Variants in HCN1 observed in about 807,000 individuals in gnomAD.
HCN1 encodes hyperpolarization activated cyclic nucleotide gated potassium channel 1, also known as potassium/sodium hyperpolarization-activated cyclic nucleotide-gated channel 1.
A neutral mutation model predicts 78.9 loss-of-function variants in HCN1; 13 were observed. That is an observed-to-expected ratio of 0.16 (90% CI 0.11 to 0.26). HCN1 has a LOEUF of 0.26. Among genes scored for constraint, HCN1 ranks in the 10% least tolerant of loss-of-function variants. The pLI, the probability that HCN1 is intolerant of heterozygous loss-of-function variation, is 1.00. For missense variants in HCN1, 810 were observed against 1,154.3 expected, an observed-to-expected ratio of 0.70 and a Z score of 4.32; for synonymous variants, 552 against 455.5, an observed-to-expected ratio of 1.21 and a Z score of -2.70.
chr5:45,452,712 T>C (rs1188305985), intron 3 of HCN1, among the ~76,000 whole-genome samples: 1 of 151,960 alleles, frequency 6.6e-6, no homozygotes, highest in Non-Finnish European at 1.5e-5. Flanking sequence ...ATAAATTGCT[T>C]ACAGTGGTTG....
chr5:45,657,845 C>T (rs1045260225), intron 1 of HCN1, among the ~76,000 whole-genome samples: 1 of 152,192 alleles, frequency 6.6e-6, no homozygotes, highest in Non-Finnish European at 1.5e-5. Context: ...AATGCCATCC[C>T]CATCAAGCTA....
At chr5:45,323,555 CT>C (rs980118640) in intron 5 of HCN1, among the ~76,000 whole-genome samples, 4 of 151,314 alleles carry the variant, frequency 2.6e-5, no homozygotes, top group African/African-American at 4.8e-5. Flanking sequence ...TAAAATTTTT[CT>C]TTTTTTTCAT....
intron 2 of HCN1, among the ~76,000 whole-genome samples, chr5:45,474,769 T>C (rs1261487107): frequency 6.6e-6 from 1 of 151,952 alleles, no homozygotes; most frequent in African/African-American, 2.4e-5. Flanking sequence ...ACAATCATTA[T>C]CATCAGTAAA....
chr5:45,381,196 A>G (rs1314610368), intron 4 of HCN1, among the ~76,000 whole-genome samples: 2 of 152,148 alleles, frequency 1.3e-5, no homozygotes, highest in Admixed American at 6.6e-5. Context: ...AAAATAAGAT[A>G]CTTTTGAAAA....
At chr5:45,489,063 A>G (rs1411336050) in intron 2 of HCN1, among the ~76,000 whole-genome samples, 1 of 152,178 alleles carries the variant, frequency 6.6e-6, no homozygotes, top group Non-Finnish European at 1.5e-5. Context: ...GTAAGGCCTC[A>G]AGAAATTCCT....
At chr5:45,576,227 A>G (rs1743942113) in intron 2 of HCN1, 1 of 152,158 alleles carries the variant, frequency 6.6e-6, no homozygotes, top group South Asian at 2.1e-4. Context: ...ATGAATGAGA[A>G]GTTGCTTATA....
chr5:45,424,218 G>A (rs950133816), intron 3 of HCN1, among the ~76,000 whole-genome samples: 5 of 151,780 alleles, frequency 3.3e-5, no homozygotes, highest in Admixed American at 6.6e-5. Flanking sequence ...GCGTGAACCC[G>A]GGAGTTGGAG....
At chr5:45,337,193 C>T (rs754233025) in intron 5 of HCN1, among the ~76,000 whole-genome samples, 6 of 151,860 alleles carry the variant, frequency 4.0e-5, no homozygotes, top group Admixed American at 6.6e-5. Flanking sequence ...TGCATAAACA[C>T]GGAGAACTTT....
In HCN1 at chr5:45,255,772, C is replaced by T. The variant is rs143256121; in HGVS notation, c.*6149G>A. On this transcript the variant is annotated 3_prime_UTR_variant, in exon 8 of 8. Transcript: ENST00000303230. The stretch of plus-strand genomic sequence containing the variant: ...TCCTTCAAAAGTAAATCTTTCCTTT[C>T]TCAGGAGTTTTCCTCACAAATTTAA... 5.8e-4 allele frequency: 88 copies of T among 152,218 alleles called. 1 individual carries two copies. The East Asian group carries it at 9.3e-3, about 16-fold the overall frequency. 9.4% of individuals were successfully genotyped at this position (152,218 alleles called of 1,614,324 possible). A position where few individuals can be genotyped will look rare whatever the true frequency, so the allele number is the denominator to read the frequency against.
chr5:45,437,360 T>C (rs1328883899), intron 3 of HCN1, among the ~76,000 whole-genome samples: 1 of 152,240 alleles, frequency 6.6e-6, no homozygotes, highest in Non-Finnish European at 1.5e-5. Flanking sequence ...ATTTCTTTTT[T>C]ACAAACCAAG....
chr5:45,492,102 C>T (rs549763823), intron 2 of HCN1, among the ~76,000 whole-genome samples: 6 of 152,122 alleles, frequency 3.9e-5, no homozygotes, highest in South Asian at 4.1e-4. Context: ...TAAGCTAACA[C>T]ACATCATATG....
chr5:45,436,601 C>A (rs1414606366), intron 3 of HCN1, among the ~76,000 whole-genome samples: 1 of 152,102 alleles, frequency 6.6e-6, no homozygotes, highest in East Asian at 1.9e-4. Flanking sequence ...TTTGCTATGG[C>A]AAGTAGTATA....
At chr5:45,440,078 A>C (rs1296791728) in intron 3 of HCN1, among the ~76,000 whole-genome samples, 1 of 150,320 alleles carries the variant, frequency 6.7e-6, no homozygotes, top group Non-Finnish European at 1.5e-5. Flanking sequence ...ATCAACCTCA[A>C]TTTGGAGTAA....
chr5:45,515,944 CTG>C lies in HCN1; in HGVS notation c.850-53939_850-53938del, dbSNP rs1248265812. On this transcript the variant is annotated intron_variant, in intron 2 of 7. Transcript: ENST00000303230. Reference sequence around the variant, plus strand: ...TTTCTTTTCAGGAAAAAATACAAAACTGTGATCCACAGAGAATGACCCTTTCT... The same window carrying C: ...TTTCTTTTCAGGAAAAAATACAAAACTGATCCACAGAGAATGACCCTTTCT... 2.0e-5 allele frequency among the ~76,000 whole-genome samples: 3 copies of C among 152,066 alleles called. No individual in the cohort carries two copies. In the East Asian group the frequency reaches 5.8e-4, roughly 29 times the overall value.
intron 3 of HCN1, among the ~76,000 whole-genome samples, chr5:45,454,034 CT>C (rs1346883628): frequency 2.0e-5 from 3 of 152,100 alleles, no homozygotes; most frequent in Non-Finnish European, 4.4e-5. Flanking sequence ...ATGTTTGGAA[CT>C]TAACGGCTTG....
intron 2 of HCN1, among the ~76,000 whole-genome samples, chr5:45,589,019 T>C (rs1217630331): frequency 1.3e-5 from 2 of 152,192 alleles, no homozygotes; most frequent in African/African-American, 4.8e-5. Flanking sequence ...TGTGTGTATG[T>C]AAAGACAAGA....
intron 2 of HCN1, among the ~76,000 whole-genome samples, chr5:45,533,671 T>C (rs1742905042): frequency 6.6e-6 from 1 of 152,056 alleles, no homozygotes; most frequent in Non-Finnish European, 1.5e-5. Context: ...AGCTATACCA[T>C]ATGGAGGGCA....
intron 5 of HCN1, among the ~76,000 whole-genome samples, chr5:45,348,964 C>T (rs551955564): frequency 9.9e-4 from 150 of 152,220 alleles, no homozygotes; most frequent in East Asian, 9.1e-3. Context: ...GACAGATTAA[C>T]GAGACAGAAA....
intron 2 of HCN1, among the ~76,000 whole-genome samples, chr5:45,625,221 T>C (rs545718611): frequency 2.0e-5 from 3 of 152,150 alleles, no homozygotes; most frequent in African/African-American, 7.2e-5. Flanking sequence ...GATAATCTCT[T>C]GAACCTTGGA....
Sources: gnomAD v4.1 joint callset for allele counts (sites outside exome capture counted in the v4.1 genomes callset) on GRCh38, gnomAD v4.1.1 for gene constraint, MANE v1.5 for transcripts, NCBI Gene and HGNC (gene_info 2026-07-23, HGNC 2026-07-21) for gene names.